The following SAMD12 variants were observed in gnomAD, a reference collection of about 807,000 sequenced individuals.
SAMD12 encodes the protein sterile alpha motif domain containing 12.
In SAMD12, 9 loss-of-function variants were observed where a neutral mutation model predicts 15.0. The ratio of observed to expected loss-of-function variants is 0.60; its 90% CI spans 0.36 to 1.05. SAMD12 has a LOEUF of 1.05. Among genes scored for constraint, SAMD12 ranks in the 50% least tolerant of loss-of-function variants. SAMD12 has a pLI of 0.01. For synonymous variants in SAMD12, 86 were observed against 90.1 expected (o/e 0.96, Z 0.25); for missense variants, 230 against 234.2 (o/e 0.98, Z 0.12).
chr8:118,477,747 G>C (rs1184516548), intron 2 of SAMD12, among the ~76,000 whole-genome samples: 1 of 152,096 alleles, frequency 6.6e-6, no homozygotes, highest in Non-Finnish European at 1.5e-5. Flanking sequence ...GGGCGCGGTG[G>C]CTCACGCCTG....
chr8:118,580,980 GA>G, intron 1 of SAMD12, 87 bp from the exon 2 acceptor site: 1 of 1,029,076 alleles, frequency 9.7e-7, no homozygotes, highest in South Asian at 1.7e-5. Context: ...GCCTAAGTAG[GA>G]AAAAAACGAG....
chr8:118,210,124 G>A (rs568455418), intron 4 of SAMD12, among the ~76,000 whole-genome samples: 2 of 152,284 alleles, frequency 1.3e-5, no homozygotes, highest in Non-Finnish European at 2.9e-5. Context: ...TCTCTATTTG[G>A]ATGAGGAAAC....
At chr8:118,344,913 T>C (rs1183335991) in intron 4 of SAMD12, among the ~76,000 whole-genome samples, 1 of 152,218 alleles carries the variant, frequency 6.6e-6, no homozygotes, top group Non-Finnish European at 1.5e-5. Context: ...ATCACCATTG[T>C]AACATTACAG....
At chr8:118,171,728 ATTTTTTT>A in the SAMD12 span, among the ~76,000 whole-genome samples, 525 of 136,212 alleles carry the variant, frequency 3.9e-3, 8 homozygotes, top group Admixed American at 0.027. Context: ...TGGGTACAGG[ATTTTTTT>A]TTTTTTTTTT....
chr8:118,180,954 G>C, the SAMD12 span, among the ~76,000 whole-genome samples: 1 of 152,186 alleles, frequency 6.6e-6, no homozygotes, highest in South Asian at 2.1e-4. Flanking sequence ...TGGGGGAACA[G>C]AGTCCCCTAC....
At chr8:118,362,468 T>C (rs1818552364) in intron 4 of SAMD12, among the ~76,000 whole-genome samples, 1 of 152,162 alleles carries the variant, frequency 6.6e-6, no homozygotes, top group South Asian at 2.1e-4. Context: ...TAAGGATAAA[T>C]GCACACATAT....
chr8:118,433,678 T>C (rs986154514), intron 3 of SAMD12, among the ~76,000 whole-genome samples: 9 of 152,140 alleles, frequency 5.9e-5, no homozygotes, highest in African/African-American at 2.2e-4. Context: ...TCTAATCATA[T>C]CAGAAACTTT....
At chr8:118,132,546 C>A in the SAMD12 span, among the ~76,000 whole-genome samples, 1 of 152,142 alleles carries the variant, frequency 6.6e-6, no homozygotes, top group Non-Finnish European at 1.5e-5. Flanking sequence ...CAGGCAGAAC[C>A]TGAAAGAGAA....
intron 4 of SAMD12, among the ~76,000 whole-genome samples, chr8:118,202,211 A>G (rs1162556958): frequency 2.0e-5 from 3 of 152,210 alleles, no homozygotes; most frequent in Non-Finnish European, 4.4e-5. Flanking sequence ...TATTATTATC[A>G]TGAATTCCTA....
intron 4 of SAMD12, among the ~76,000 whole-genome samples, chr8:118,261,419 T>C (rs952221101): frequency 6.6e-6 from 1 of 151,998 alleles, no homozygotes; most frequent in South Asian, 2.1e-4. Context: ...ATAATGACAC[T>C]TGGGGAGACA....
chr8:118,443,195 A>G (rs912933390), intron 2 of SAMD12, among the ~76,000 whole-genome samples: 15 of 152,134 alleles, frequency 9.9e-5, no homozygotes, highest in Non-Finnish European at 2.2e-4. Flanking sequence ...TGGGCACAGT[A>G]GCTCATGCCT....
chr8:118,221,889 C>A (rs1563702203), intron 4 of SAMD12, among the ~76,000 whole-genome samples: 1 of 152,176 alleles, frequency 6.6e-6, no homozygotes, highest in South Asian at 2.1e-4. Context: ...AAATAAGATC[C>A]ATGTTTCGCT....
intron 1 of SAMD12, among the ~76,000 whole-genome samples, chr8:118,611,814 G>C (rs553930573): frequency 9.9e-5 from 15 of 152,238 alleles, no homozygotes; most frequent in Admixed American, 7.2e-4. Context: ...TATGGTCCCA[G>C]AGACCAGTGG....
At chr8:118,621,763 G>A in intron 1 of SAMD12, 41 bp downstream of exon 1, 1 of 1,611,120 alleles carries the variant, frequency 6.2e-7, no homozygotes, top group Non-Finnish European at 8.5e-7. Flanking sequence ...TGGGGTGCGC[G>A]GGTTAAGAGG....
chr8:118,587,721 T>C (rs1472497296), intron 1 of SAMD12, among the ~76,000 whole-genome samples: 1 of 152,226 alleles, frequency 6.6e-6, no homozygotes, highest in South Asian at 2.1e-4. Flanking sequence ...AATAGTCACA[T>C]TGGCTCTGAC....
intron 3 of SAMD12, among the ~76,000 whole-genome samples, chr8:118,417,115 G>C (rs377227935): frequency 6.6e-6 from 1 of 151,760 alleles, no homozygotes; most frequent in Non-Finnish European, 1.5e-5. Context: ...TTTTGAGACA[G>C]AGTATCTATT....
chr8:118,250,829 C>G (rs1812804096), intron 4 of SAMD12, among the ~76,000 whole-genome samples: 1 of 151,950 alleles, frequency 6.6e-6, no homozygotes, highest in Admixed American at 6.6e-5. Context: ...AAAAGTCAGT[C>G]AACAAATGTT....
intron 4 of SAMD12, among the ~76,000 whole-genome samples, chr8:118,277,764 GA>G (rs1385848875): frequency 1.3e-5 from 2 of 151,956 alleles, no homozygotes; most frequent in East Asian, 3.9e-4. Flanking sequence ...CCATTTTATG[GA>G]TGAGGTACCT....
At chr8:118,593,724 T>A (rs1434883045) in intron 1 of SAMD12, among the ~76,000 whole-genome samples, 5 of 152,188 alleles carry the variant, frequency 3.3e-5, no homozygotes, top group African/African-American at 1.2e-4. Context: ...TAAATGTTAG[T>A]TTTAAAAAGA....
Sources: allele counts gnomAD v4.1 joint callset (sites outside exome capture counted in the v4.1 genomes callset), GRCh38; gene constraint gnomAD v4.1.1; transcripts MANE v1.5; gene names NCBI Gene and HGNC (gene_info 2026-07-23, HGNC 2026-07-21).